GRIN2A: variants seen among roughly 807,000 people sequenced by gnomAD.
GRIN2A encodes the protein glutamate receptor ionotropic, NMDA 2A.
Under a neutral mutation model 113.4 loss-of-function variants are expected in GRIN2A, and 22 were observed. The observed-to-expected ratio is 0.19, with a 90% CI of 0.14 to 0.28. The LOEUF (loss-of-function observed/expected upper bound fraction) is 0.28, where lower values mean the gene tolerates loss of function less well. GRIN2A is among the 10% of genes least tolerant of loss of function. The probability of loss-of-function intolerance (pLI) is 1.00; values close to 1 mark genes in which losing one functional copy is unlikely to be tolerated. For missense variants in GRIN2A, 1,502 were observed against 1,887.0 expected (o/e 0.80, Z 3.78); for synonymous variants, 827 against 738.4 (o/e 1.12, Z -1.94).
At chr16:10,120,404 G>T (rs992172504) in intron 2 of GRIN2A, among the ~76,000 whole-genome samples, 1 of 152,146 alleles carries the variant, frequency 6.6e-6, no homozygotes, top group African/African-American at 2.4e-5. Flanking sequence ...ATAACCTAAG[G>T]TTCCCATCCC....
At chr16:10,088,598 G>A (rs1288112482) in intron 2 of GRIN2A, among the ~76,000 whole-genome samples, 5 of 152,226 alleles carry the variant, frequency 3.3e-5, no homozygotes, top group African/African-American at 9.6e-5. Context: ...GATATCATTA[G>A]CTAATTTGTG....
intron 4 of GRIN2A, among the ~76,000 whole-genome samples, chr16:9,861,151 G>A (rs577378038): frequency 6.6e-6 from 1 of 152,254 alleles, no homozygotes; most frequent in South Asian, 2.1e-4. Context: ...TAACCATGGG[G>A]AAACAGGCTT....
chr16:9,993,125 C>T (rs936583283), intron 2 of GRIN2A, among the ~76,000 whole-genome samples: 6 of 151,960 alleles, frequency 3.9e-5, no homozygotes, highest in South Asian at 4.1e-4. Flanking sequence ...AGCTACTCCT[C>T]GGGAGGCTGA....
chr16:10,149,767 C>A (rs1054047312), intron 2 of GRIN2A, among the ~76,000 whole-genome samples: 1 of 152,224 alleles, frequency 6.6e-6, no homozygotes, highest in Non-Finnish European at 1.5e-5. Context: ...CTCCTACTAT[C>A]CATGCAGCAT....
intron 2 of GRIN2A, among the ~76,000 whole-genome samples, chr16:10,006,746 T>C (rs1302586610): frequency 6.6e-6 from 1 of 152,208 alleles, no homozygotes; most frequent in Non-Finnish European, 1.5e-5. Flanking sequence ...CTATATTTTT[T>C]ACCCATTAAC....
At chr16:9,899,861 C>A (rs2043883135) in intron 3 of GRIN2A, among the ~76,000 whole-genome samples, 2 of 152,196 alleles carry the variant, frequency 1.3e-5, no homozygotes. Context: ...TCCAGTACAA[C>A]AACTGCCAAG....
intron 2 of GRIN2A, among the ~76,000 whole-genome samples, chr16:10,132,877 C>T (rs1013155950): frequency 5.9e-5 from 9 of 152,186 alleles, no homozygotes; most frequent in African/African-American, 1.9e-4. Flanking sequence ...AGGTCAGAAA[C>T]CTAAAATGGA....
intron 2 of GRIN2A, among the ~76,000 whole-genome samples, chr16:9,970,015 A>G (rs1196074474): frequency 6.6e-6 from 1 of 152,180 alleles, no homozygotes; most frequent in Non-Finnish European, 1.5e-5. Flanking sequence ...TGTGAATCTT[A>G]TACACACTAC....
intron 4 of GRIN2A, among the ~76,000 whole-genome samples, chr16:9,858,504 G>A (rs1279896397): frequency 6.6e-6 from 1 of 152,040 alleles, no homozygotes. Context: ...AAGCCTTTGA[G>A]TGTTTTCAGA....
At chr16:9,964,331 C>CAAGAATTA (rs1445580877) in intron 2 of GRIN2A, among the ~76,000 whole-genome samples, 2 of 152,184 alleles carry the variant, frequency 1.3e-5, no homozygotes, top group Non-Finnish European at 2.9e-5. Context: ...AATTACTCAG[C>CAAGAATTA]CTTGAATTCT....
intron 2 of GRIN2A, among the ~76,000 whole-genome samples, chr16:9,988,317 A>C (rs1532932): frequency 4.6e-5 from 7 of 151,644 alleles, no homozygotes; most frequent in Non-Finnish European, 7.4e-5. Context: ...GTGACACAGA[A>C]AGAGGTCTTA....
intron 3 of GRIN2A, among the ~76,000 whole-genome samples, chr16:9,901,749 C>T (rs546918943): frequency 9.9e-5 from 15 of 152,276 alleles, no homozygotes; most frequent in African/African-American, 2.9e-4. Context: ...CCACATCCCA[C>T]GCCTGACCAG....
chr16:10,107,988 C>T, intron 2 of GRIN2A, among the ~76,000 whole-genome samples: 1 of 152,166 alleles, frequency 6.6e-6, no homozygotes, highest in African/African-American at 2.4e-5. Context: ...ATGCAAAAGG[C>T]CAACCCTGGG....
chr16:10,039,808 G>GGGGGAGAGAGA (rs1555469298), intron 2 of GRIN2A, among the ~76,000 whole-genome samples: 1 of 63,812 alleles, frequency 1.6e-5, no homozygotes, highest in South Asian at 8.5e-4. Flanking sequence ...GGGAGGGGGG[G>GGGGGAGAGAGA]GAGAAAGAGA....
At chr16:10,102,834 C>T (rs752827884) in intron 2 of GRIN2A, among the ~76,000 whole-genome samples, 8 of 152,184 alleles carry the variant, frequency 5.3e-5, no homozygotes, top group Non-Finnish European at 1.2e-4. Context: ...TTAGGTCTCT[C>T]CAAAATCAAA....
intron 10 of GRIN2A, among the ~76,000 whole-genome samples, chr16:9,812,536 G>A (rs1416866701): frequency 6.6e-6 from 1 of 152,094 alleles, no homozygotes; most frequent in Non-Finnish European, 1.5e-5. Flanking sequence ...TACTTGGGAG[G>A]CTGCAGCATG....
chr16:10,085,808 G>C (rs1329607617), intron 2 of GRIN2A, among the ~76,000 whole-genome samples: 1 of 152,116 alleles, frequency 6.6e-6, no homozygotes, highest in African/African-American at 2.4e-5. Flanking sequence ...GGTTTCTCTG[G>C]GATCCCCCTG....
chr16:10,111,458 G>C, intron 2 of GRIN2A: 1 of 598,032 alleles, frequency 1.7e-6, no homozygotes, highest in Non-Finnish European at 3.1e-6. Flanking sequence ...CTCTTCCTCG[G>C]CGCCAACTGC....
chr16:10,082,513 AT>A (rs1293795130), intron 2 of GRIN2A, among the ~76,000 whole-genome samples: 1 of 152,236 alleles, frequency 6.6e-6, no homozygotes, highest in African/African-American at 2.4e-5. Context: ...TGAAGATATC[AT>A]TAAGTTCCCT....
Sources: allele counts gnomAD v4.1 joint callset (sites outside exome capture counted in the v4.1 genomes callset), GRCh38; gene constraint gnomAD v4.1.1; transcripts MANE v1.5; gene names NCBI Gene and HGNC (gene_info 2026-07-23, HGNC 2026-07-21).